ARHGAP10: variants seen among roughly 807,000 people sequenced by gnomAD.
The protein encoded by ARHGAP10 is rho GTPase-activating protein 10.
ARHGAP10 carries 87 observed loss-of-function variants against 108.6 expected under a neutral mutation model. That is an observed-to-expected ratio of 0.80 (90% CI 0.67 to 0.96). The LOEUF (loss-of-function observed/expected upper bound fraction) is 0.96. ARHGAP10 is among the 40% of genes least tolerant of loss of function. The pLI is 0.00. For missense variants in ARHGAP10, 939 were observed against 954.5 expected (o/e 0.98, Z 0.21); for synonymous variants, 347 against 341.1 (o/e 1.02, Z -0.19).
intron 18 of ARHGAP10, among the ~76,000 whole-genome samples, chr4:147,971,099 A>T (rs2149618411): frequency 6.6e-6 from 1 of 151,696 alleles, no homozygotes; most frequent in South Asian, 2.1e-4. Flanking sequence ...GTCTCAAAAA[A>T]AAAAAAAAAA....
At chr4:148,047,156 C>G in intron 20 of ARHGAP10, 105 bp downstream of exon 20, 1 of 1,357,122 alleles carries the variant, frequency 7.4e-7, no homozygotes, top group Non-Finnish European at 9.9e-7. Context: ...GCCATTAGAT[C>G]TAGGAGCCCT....
intron 12 of ARHGAP10, among the ~76,000 whole-genome samples, chr4:147,910,451 A>C (rs1356687803): frequency 6.6e-6 from 1 of 152,098 alleles, no homozygotes; most frequent in Non-Finnish European, 1.5e-5. Context: ...TTCTTGTCTG[A>C]GTTAACTCCT....
At chr4:148,042,593 C>G (rs528769519) in intron 19 of ARHGAP10, among the ~76,000 whole-genome samples, 19 of 152,294 alleles carry the variant, frequency 1.2e-4, no homozygotes, top group African/African-American at 4.6e-4. Context: ...GTCTTTCGCT[C>G]CTGACACTGG....
chr4:148,027,663 A>G (rs1194434616), intron 19 of ARHGAP10, among the ~76,000 whole-genome samples: 1 of 152,224 alleles, frequency 6.6e-6, no homozygotes, highest in Non-Finnish European at 1.5e-5. Context: ...ATGTCCTTTC[A>G]GCCTGAGTAA....
chr4:147,778,178 C>G (rs1297132669), intron 1 of ARHGAP10, among the ~76,000 whole-genome samples: 2 of 152,160 alleles, frequency 1.3e-5, no homozygotes, highest in African/African-American at 2.4e-5. Flanking sequence ...TTTTTTCATG[C>G]CTGCTCAGAC....
intron 10 of ARHGAP10, among the ~76,000 whole-genome samples, chr4:147,886,780 C>A (rs1484687826): frequency 6.6e-6 from 1 of 151,970 alleles, no homozygotes; most frequent in Non-Finnish European, 1.5e-5. Context: ...TTTTCTTTTT[C>A]TTTTCTTTGA....
At chr4:147,854,408 T>G (rs10022144) in intron 4 of ARHGAP10, among the ~76,000 whole-genome samples, 2 of 152,084 alleles carry the variant, frequency 1.3e-5, no homozygotes. Context: ...CTGGTTTTCA[T>G]TGCCTACCAC....
At chr4:148,054,032 A>T (rs1729257084) in intron 20 of ARHGAP10, among the ~76,000 whole-genome samples, 1 of 152,250 alleles carries the variant, frequency 6.6e-6, no homozygotes, top group Non-Finnish European at 1.5e-5. Context: ...CTTAAAAACA[A>T]TTAAGTCTTG....
chr4:147,905,908 T>A (rs911860642), intron 10 of ARHGAP10, among the ~76,000 whole-genome samples: 3 of 152,234 alleles, frequency 2.0e-5, no homozygotes, highest in Non-Finnish European at 2.9e-5. Flanking sequence ...TTTTCTTTCA[T>A]TGAGCAGTGG....
intron 1 of ARHGAP10, among the ~76,000 whole-genome samples, chr4:147,777,359 C>T (rs543934867): frequency 2.0e-5 from 3 of 151,716 alleles, no homozygotes; most frequent in East Asian, 1.9e-4. Context: ...CCCGGGTTCA[C>T]GCCATTCTCC....
At chr4:147,783,006 TTA>T (rs1385031202) in intron 1 of ARHGAP10, among the ~76,000 whole-genome samples, 1 of 140,748 alleles carries the variant, frequency 7.1e-6, no homozygotes, top group Non-Finnish European at 1.5e-5. Context: ...ATTATATAAA[TTA>T]TATACTATAT....
At chr4:147,801,138 G>A (rs1731564540) in intron 1 of ARHGAP10, among the ~76,000 whole-genome samples, 3 of 152,174 alleles carry the variant, frequency 2.0e-5, no homozygotes, top group South Asian at 4.1e-4. Context: ...ATTTTAAAAA[G>A]CAATGAAAAA....
At chr4:147,761,321 C>T (rs1038919569) in intron 1 of ARHGAP10, among the ~76,000 whole-genome samples, 6 of 152,132 alleles carry the variant, frequency 3.9e-5, no homozygotes, top group Admixed American at 2.0e-4. Context: ...CCGGCGTAAT[C>T]TCTATATAGA....
At chr4:147,792,113 A>C (rs564169328) in intron 1 of ARHGAP10, among the ~76,000 whole-genome samples, 2 of 152,352 alleles carry the variant, frequency 1.3e-5, no homozygotes, top group East Asian at 3.9e-4. Context: ...TCGATAGTAC[A>C]CATTGCTTTA....
At chr4:147,951,869 T>C (rs1453538715) in intron 15 of ARHGAP10, among the ~76,000 whole-genome samples, 3 of 152,184 alleles carry the variant, frequency 2.0e-5, no homozygotes, top group Non-Finnish European at 4.4e-5. Flanking sequence ...TCTGAAACTA[T>C]CACCATAATC....
chr4:147,918,320 A>G (rs1239631705), intron 13 of ARHGAP10, among the ~76,000 whole-genome samples: 1 of 151,924 alleles, frequency 6.6e-6, no homozygotes, highest in Non-Finnish European at 1.5e-5. Context: ...TATTTTTAGT[A>G]GAGACAGGGT....
At chr4:147,933,398 A>G (rs1484343010) in intron 13 of ARHGAP10, among the ~76,000 whole-genome samples, 3 of 152,138 alleles carry the variant, frequency 2.0e-5, no homozygotes, top group Non-Finnish European at 4.4e-5. Flanking sequence ...CAGTCCCTGA[A>G]TGCTCTCGAT....
chr4:147,811,752 T>C (rs1055214597), intron 1 of ARHGAP10, among the ~76,000 whole-genome samples: 3 of 152,226 alleles, frequency 2.0e-5, no homozygotes, highest in Admixed American at 6.5e-5. Context: ...TGCTTGCAGA[T>C]TGGTCGCTAG....
At chr4:147,965,227 G>A in intron 17 of ARHGAP10, 98 bp downstream of exon 17, 1 of 764,404 alleles carries the variant, frequency 1.3e-6, no homozygotes. Context: ...GACCACACCT[G>A]GAAGGGCAGG....
Sources: gnomAD v4.1 joint callset for allele counts (sites outside exome capture counted in the v4.1 genomes callset) on GRCh38, gnomAD v4.1.1 for gene constraint, MANE v1.5 for transcripts, NCBI Gene and HGNC (gene_info 2026-07-23, HGNC 2026-07-21) for gene names.